The following RSPRY1 variants were observed in gnomAD, a reference collection of about 807,000 sequenced individuals.
RSPRY1 encodes RING finger and SPRY domain-containing protein 1.
In RSPRY1, 23 loss-of-function variants were observed where a neutral mutation model predicts 73.1. The observed-to-expected ratio is 0.31, with a 90% CI of 0.23 to 0.45. The LOEUF (loss-of-function observed/expected upper bound fraction) is 0.45, where lower values mean the gene tolerates loss of function less well. RSPRY1 is among the 20% of genes least tolerant of loss of function. The pLI is 1.00. For synonymous variants in RSPRY1, 226 were observed against 251.4 expected (o/e 0.90, Z 0.95); for missense variants, 448 against 698.7 (o/e 0.64, Z 4.05).
intron 1 of RSPRY1, among the ~76,000 whole-genome samples, chr16:57,188,758 C>T (rs144350677): frequency 4.7e-4 from 71 of 152,088 alleles, no homozygotes; most frequent in African/African-American, 1.6e-3. Context: ...TCCTGTAATC[C>T]GCCTGCCTCG....
chr16:57,204,095 A>G (rs561775323), intron 1 of RSPRY1, among the ~76,000 whole-genome samples: 3 of 152,288 alleles, frequency 2.0e-5, no homozygotes, highest in Non-Finnish European at 4.4e-5. Flanking sequence ...GAGTTAATTC[A>G]TTTTTTTAAA....
rs528042228 is a variant in RSPRY1, at chr16:57,195,992, A to G, written c.-155-8512A>G. ...AGCCGAGATCTCACCACTGGACTCC[A>G]GCCTGGCGACAGAGTGAGACTTCAT... On this transcript the variant is annotated intron_variant, in intron 1 of 14. Coordinates refer to ENST00000394420, the MANE Select transcript of RSPRY1 (RefSeq NM_133368.3). Among the ~76,000 whole-genome samples the G allele has an allele frequency of 2.7e-5, 4 of 148,518 alleles. No homozygotes were observed. In the East Asian group the frequency reaches 5.9e-4, roughly 22 times the overall value.
At chr16:57,223,536 T>G (rs1402135127) in intron 10 of RSPRY1, among the ~76,000 whole-genome samples, 1 of 152,188 alleles carries the variant, frequency 6.6e-6, no homozygotes, top group African/African-American at 2.4e-5. Flanking sequence ...TCCCAGCACT[T>G]TGGGAGGCTG....
At chr16:57,221,781 T>C (rs1466544184) in intron 10 of RSPRY1, among the ~76,000 whole-genome samples, 3 of 152,244 alleles carry the variant, frequency 2.0e-5, no homozygotes, top group African/African-American at 7.2e-5. Flanking sequence ...TTAAGAGCTT[T>C]GTAGGGATTC....
At chr16:57,213,789 T>C (rs533458087) in intron 5 of RSPRY1, 99 bp from the exon 6 acceptor site, 1 of 875,744 alleles carries the variant, frequency 1.1e-6, no homozygotes, top group Non-Finnish European at 1.9e-6. Flanking sequence ...AATAAGATAA[T>C]GTGCATGAAA....
rs567709039 is a variant in RSPRY1 at position 57,187,734 on chromosome 16, T to G, written c.-156+1283T>G. Among the ~76,000 whole-genome samples the G allele has an allele frequency of 6.6e-5, 10 of 152,154 alleles. No individual in the cohort carries two copies. The South Asian group carries it at 2.1e-3, about 31-fold the overall frequency. The stretch of plus-strand genomic sequence containing the variant: ...GTCACCTGCGGAGTGCTGGGAGCCA[T>G]ATTGTACTGAAAGCTTCAAGGTTCA... On this transcript the variant is annotated intron_variant, in intron 1 of 14. Coordinates refer to ENST00000394420, the MANE Select transcript of RSPRY1 (RefSeq NM_133368.3).
chr16:57,218,983 G>A (rs1167720648), intron 8 of RSPRY1, among the ~76,000 whole-genome samples: 2 of 122,738 alleles, frequency 1.6e-5, no homozygotes, highest in African/African-American at 6.7e-5. Flanking sequence ...TGATCCGCCC[G>A]CCTCGGCCTC....
chr16:57,189,593 C>CTTTTTTTTTTTTTTTTTTTTTTTTCT (rs544146883), intron 1 of RSPRY1, among the ~76,000 whole-genome samples: 1 of 124,068 alleles, frequency 8.1e-6, no homozygotes, highest in Non-Finnish European at 1.6e-5. Context: ...CTTTTCTTTT[C>CTTTTTTTTTTTTTTTTTTTTTTTTCT]TTTTTTTTTT....
chr16:57,213,786 T>C, intron 5 of RSPRY1, 102 bp from the exon 6 acceptor site: 1 of 868,474 alleles, frequency 1.2e-6, no homozygotes, highest in South Asian at 1.4e-5. Context: ...TTTAATAAGA[T>C]AATGTGCATG....
chr16:57,217,144 G>A, intron 8 of RSPRY1, 109 bp downstream of exon 8: 2 of 1,212,212 alleles, frequency 1.6e-6, no homozygotes, highest in African/African-American at 3.0e-5. Flanking sequence ...GTCCTCATAA[G>A]GACCTCTACT....
intron 4 of RSPRY1, among the ~76,000 whole-genome samples, chr16:57,209,718 G>A (rs2074798320): frequency 6.6e-6 from 1 of 152,080 alleles, no homozygotes; most frequent in African/African-American, 2.4e-5. Flanking sequence ...TTGTCACCCA[G>A]GCTGGCGTGC....
intron 6 of RSPRY1, among the ~76,000 whole-genome samples, chr16:57,214,467 T>C (rs1165046873): frequency 6.6e-6 from 1 of 152,274 alleles, no homozygotes; most frequent in African/African-American, 2.4e-5. Flanking sequence ...TGGTCTTGAA[T>C]GGTCTGTATT....
chr16:57,212,570 A>G (rs1274209914), intron 4 of RSPRY1, among the ~76,000 whole-genome samples: 2 of 152,134 alleles, frequency 1.3e-5, no homozygotes, highest in African/African-American at 2.4e-5. Flanking sequence ...GGTACATTGC[A>G]TAATTTTTAT....
At chr16:57,212,498 TAGTA>T (rs1342705891) in intron 4 of RSPRY1, among the ~76,000 whole-genome samples, 6 of 152,232 alleles carry the variant, frequency 3.9e-5, no homozygotes, top group Non-Finnish European at 8.8e-5. Context: ...AAGTGGAATC[TAGTA>T]AGTCATGTAA....
intron 1 of RSPRY1, among the ~76,000 whole-genome samples, chr16:57,199,835 TTTC>T (rs1349296241): frequency 2.4e-4 from 8 of 34,022 alleles, no homozygotes; most frequent in African/African-American, 6.4e-4. Context: ...ATCAGTGAAA[TTTC>T]TTTTTTTTTT....
chr16:57,228,986 A>G (rs1171782828), intron 11 of RSPRY1, among the ~76,000 whole-genome samples: 3 of 152,220 alleles, frequency 2.0e-5, no homozygotes, highest in African/African-American at 7.2e-5. Context: ...CTGAGCCCCC[A>G]TGGCCCAGCC....
chr16:57,228,208 G>A (rs1215553565), intron 11 of RSPRY1, among the ~76,000 whole-genome samples: 1 of 148,006 alleles, frequency 6.8e-6, no homozygotes, highest in Non-Finnish European at 1.5e-5. Flanking sequence ...AGGAGGCAGA[G>A]GTTGCAATGA....
At chr16:57,215,135 C>G (rs1168694695) in intron 6 of RSPRY1, among the ~76,000 whole-genome samples, 2 of 151,886 alleles carry the variant, frequency 1.3e-5, no homozygotes, top group African/African-American at 4.8e-5. Context: ...CTGGGTCATG[C>G]TATAGATGAG....
intron 13 of RSPRY1, among the ~76,000 whole-genome samples, chr16:57,232,055 A>G (rs2075230433): frequency 1.3e-5 from 2 of 152,244 alleles, no homozygotes; most frequent in Non-Finnish European, 2.9e-5. Context: ...CATTTTAAAC[A>G]GAGCAGCTGC....
Sources: gnomAD v4.1 joint callset for allele counts (sites outside exome capture counted in the v4.1 genomes callset) on GRCh38, gnomAD v4.1.1 for gene constraint, MANE v1.5 for transcripts, NCBI Gene and HGNC (gene_info 2026-07-23, HGNC 2026-07-21) for gene names.